PCNX2: variants seen among roughly 807,000 people sequenced by gnomAD.
The protein encoded by PCNX2 is pecanex-like protein 2.
In PCNX2, 168 loss-of-function variants were observed where a neutral mutation model predicts 223.8. The observed-to-expected ratio is 0.75, with a 90% CI of 0.66 to 0.85. The LOEUF (loss-of-function observed/expected upper bound fraction) is 0.85, where lower values mean the gene tolerates loss of function less well. PCNX2 is among the 40% of genes least tolerant of loss of function. The probability of loss-of-function intolerance (pLI) is 0.00; values close to 1 mark genes in which losing one functional copy is unlikely to be tolerated. For synonymous variants in PCNX2, 1,006 were observed against 1,052.6 expected (o/e 0.96, Z 0.86); for missense variants, 2,507 against 2,675.5 (o/e 0.94, Z 1.39).
In PCNX2 at chr1:233,295,487, C is replaced by T. The variant is rs896569374; in HGVS notation, c.-9G>A. ...AGCACCTGGGACACCATGCCGGCTG[C>T]GCCCCGGGGCTGGTGAGCGCCCCGC... On this transcript the variant is annotated 5_prime_UTR_variant, in exon 1 of 34. Transcript: ENST00000258229. The surrounding 1 kb of genome is among the most constrained non-coding windows in gnomAD (Gnocchi z 4.1). The T allele has an allele frequency of 2.6e-6, 4 of 1,545,512 alleles. No homozygotes were observed. The highest frequency in any genetic ancestry group is 1.2e-5 in the South Asian group (1 of 83,634).
At chr1:233,270,764 T>C (rs12124323) in intron 1 of PCNX2, among the ~76,000 whole-genome samples, 15,103 of 152,192 alleles carry the variant, frequency 0.099, 916 homozygotes, top group South Asian at 0.19. Flanking sequence ...TAGTGTGCAG[T>C]TTTGATGAGA....
chr1:233,161,084 T>A (rs1678439486), intron 18 of PCNX2, among the ~76,000 whole-genome samples, 187 bp downstream of exon 18: 1 of 152,214 alleles, frequency 6.6e-6, no homozygotes. Flanking sequence ...CTATCTGTGA[T>A]GTGGACCAAG....
chr1:233,261,152 G>GT (rs1660019565), intron 4 of PCNX2, 133 bp downstream of exon 4: 2 of 786,170 alleles, frequency 2.5e-6, no homozygotes, highest in Non-Finnish European at 4.1e-6. Flanking sequence ...AAGAAACAAA[G>GT]TCAAAATATA....
upstream of PCNX2, among the ~76,000 whole-genome samples, chr1:233,296,996 A>T (rs1314065733): frequency 6.6e-6 from 1 of 152,264 alleles, no homozygotes; most frequent in Non-Finnish European, 1.5e-5. Flanking sequence ...AGTAGGAATG[A>T]ATCATCAAAA....
intron 7 of PCNX2, 65 bp downstream of exon 7, chr1:233,252,289 C>T (rs1414059061): frequency 6.6e-7 from 1 of 1,522,202 alleles, no homozygotes; most frequent in African/African-American, 1.4e-5. Context: ...AGGTATCACA[C>T]TGAGTCCTGA....
chr1:233,066,906 C>T lies in PCNX2; in HGVS notation c.4077-9616G>A, dbSNP rs563265004. Reference sequence around the variant, plus strand: ...CATGGGGAGCAGTAATGAGGTACCACTATCCCTCCCATTCAGGAAAGTATC... The same window carrying T: ...CATGGGGAGCAGTAATGAGGTACCATTATCCCTCCCATTCAGGAAAGTATC... On this transcript the variant is annotated intron_variant, in intron 23 of 33. Transcript: ENST00000258229. Among the ~76,000 whole-genome samples, 8 of 152,226 alleles carry T rather than the reference C, an allele frequency of 5.3e-5. No individual in the cohort carries two copies. In the South Asian group the frequency reaches 1.5e-3, roughly 28 times the overall value.
At chr1:233,083,322 C>T (rs947425157) in intron 23 of PCNX2, among the ~76,000 whole-genome samples, 1 of 152,166 alleles carries the variant, frequency 6.6e-6, no homozygotes, top group Non-Finnish European at 1.5e-5. Flanking sequence ...GAGCTGCCTC[C>T]AAACTGGTAA....
the PCNX2 span, among the ~76,000 whole-genome samples, chr1:233,312,732 A>G: frequency 6.6e-6 from 1 of 152,242 alleles, no homozygotes; most frequent in Admixed American, 6.5e-5. Flanking sequence ...AAATGTAGCA[A>G]CACATAAAAC....
At chr1:233,059,830 G>A (rs1432801681) in intron 23 of PCNX2, among the ~76,000 whole-genome samples, 1 of 152,184 alleles carries the variant, frequency 6.6e-6, no homozygotes, top group Non-Finnish European at 1.5e-5. Context: ...TTTAATAAAT[G>A]AAAAGCACTT....
At chr1:233,069,940 T>C (rs1672778663) in intron 23 of PCNX2, among the ~76,000 whole-genome samples, 1 of 152,124 alleles carries the variant, frequency 6.6e-6, no homozygotes, top group African/African-American at 2.4e-5. Context: ...GAGCTGGTTC[T>C]TTGAGAATAT....
intron 1 of PCNX2, among the ~76,000 whole-genome samples, chr1:233,271,445 A>C (rs968348461): frequency 8.5e-5 from 13 of 152,206 alleles, no homozygotes; most frequent in African/African-American, 2.9e-4. Context: ...AAGTTCCTTG[A>C]CTCTGTTTAT....
the PCNX2 span, among the ~76,000 whole-genome samples, chr1:233,318,849 CG>C: frequency 6.6e-6 from 1 of 152,046 alleles, no homozygotes; most frequent in African/African-American, 2.4e-5. Context: ...GGATTACAAG[CG>C]TGAGCCACTG....
At chr1:233,217,864 C>A in intron 12 of PCNX2, 35 bp downstream of exon 12, 2 of 1,613,202 alleles carry the variant, frequency 1.2e-6, no homozygotes, top group Non-Finnish European at 1.7e-6. Context: ...CACAGACAGA[C>A]AAGAAAAGCT....
At chr1:233,298,317 A>G (rs1294347), upstream of PCNX2, among the ~76,000 whole-genome samples, 100,325 of 152,062 alleles carry the variant, frequency 0.66, 33,406 homozygotes, top group East Asian at 0.73. Context: ...AGTGCCATAG[A>G]AGAGGCCAAG....
intron 14 of PCNX2, among the ~76,000 whole-genome samples, chr1:233,199,550 T>C (rs1555826): frequency 0.2 from 30,114 of 151,910 alleles, 3,352 homozygotes; most frequent in African/African-American, 0.3. Flanking sequence ...CCCTATGAGG[T>C]TATGATGTTT....
intron 23 of PCNX2, among the ~76,000 whole-genome samples, chr1:233,079,138 G>C (rs1405348834): frequency 3.9e-5 from 6 of 152,114 alleles, no homozygotes; most frequent in African/African-American, 1.4e-4. Context: ...GGTACAATAG[G>C]GGATGGATGC....
Position 233,283,815 on chromosome 1 carries a change from C to G in PCNX2, c.153+11511G>C, listed in dbSNP as rs181924949. ...TTTAGTCCAGAATCATCAATTTATACTATAACTATTGGGTGAAAGACTTTT... is the reference window on the plus strand; with the variant it reads ...TTTAGTCCAGAATCATCAATTTATAGTATAACTATTGGGTGAAAGACTTTT... On this transcript the variant is annotated intron_variant, in intron 1 of 33. Coordinates refer to ENST00000258229, the MANE Select transcript of PCNX2 (RefSeq NM_014801.4). Among the ~76,000 whole-genome samples, 21 of 152,270 alleles carry G rather than the reference C, an allele frequency of 1.4e-4. No individual in the cohort carries two copies. In the Middle Eastern group the frequency reaches 0.024, roughly 173 times the overall value.
chr1:233,129,369 C>T (rs1010052171), intron 21 of PCNX2, among the ~76,000 whole-genome samples: 1 of 152,200 alleles, frequency 6.6e-6, no homozygotes, highest in East Asian at 1.9e-4. Context: ...ACCTGCAGCC[C>T]GCCATGCCTA....
At chr1:233,315,817 A>T in the PCNX2 span, among the ~76,000 whole-genome samples, 61 of 151,180 alleles carry the variant, frequency 4.0e-4, no homozygotes, top group South Asian at 1.3e-3. Flanking sequence ...ACCTTTTTTT[A>T]AAAAAAAAAT....
Sources: allele counts gnomAD v4.1 joint callset (sites outside exome capture counted in the v4.1 genomes callset), GRCh38; gene constraint gnomAD v4.1.1; non-coding constraint Gnocchi (gnomAD v3.1); transcripts MANE v1.5; gene names NCBI Gene and HGNC (gene_info 2026-07-23, HGNC 2026-07-21).